Variants in HS3ST3A1 observed in about 807,000 individuals in gnomAD.
The protein encoded by HS3ST3A1 is heparan sulfate glucosamine 3-O-sulfotransferase 3A1.
Under a neutral mutation model 25.7 loss-of-function variants are expected in HS3ST3A1, and 19 were observed. The ratio of observed to expected loss-of-function variants is 0.74; its 90% CI spans 0.52 to 1.08. The LOEUF (loss-of-function observed/expected upper bound fraction) is 1.08. HS3ST3A1 is among the 50% of genes least tolerant of loss of function. The pLI is 0.00. For missense variants in HS3ST3A1, 459 were observed against 594.3 expected (o/e 0.77, Z 2.37); for synonymous variants, 226 against 278.6 (o/e 0.81, Z 1.88).
chr17:13,514,981 T>C (rs953955106), intron 1 of HS3ST3A1, among the ~76,000 whole-genome samples: 1 of 152,158 alleles, frequency 6.6e-6, no homozygotes, highest in African/African-American at 2.4e-5. Context: ...TACTAAAAAG[T>C]CATCTCTTCC....
intron 1 of HS3ST3A1, among the ~76,000 whole-genome samples, chr17:13,516,922 G>A (rs929502069): frequency 5.3e-5 from 8 of 152,000 alleles, no homozygotes; most frequent in African/African-American, 1.7e-4. Context: ...TCCTGACCTC[G>A]TGACCCGCCC....
chr17:13,503,753 T>A (rs1364792626), intron 1 of HS3ST3A1, among the ~76,000 whole-genome samples: 2 of 152,216 alleles, frequency 1.3e-5, no homozygotes, highest in Admixed American at 1.3e-4. Flanking sequence ...GAACTGGCAC[T>A]TTGGTGGTTA....
chr17:13,591,821 G>A (rs1433152081), intron 1 of HS3ST3A1, among the ~76,000 whole-genome samples: 1 of 151,882 alleles, frequency 6.6e-6, no homozygotes, highest in Admixed American at 6.6e-5. Flanking sequence ...GACCACATCC[G>A]GCTAATTTTT....
At chr17:13,548,569 A>G (rs751808198) in intron 1 of HS3ST3A1, among the ~76,000 whole-genome samples, 1 of 152,144 alleles carries the variant, frequency 6.6e-6, no homozygotes, top group Non-Finnish European at 1.5e-5. Context: ...CCAGTCTACC[A>G]TATTCTTAGA....
At chr17:13,497,861 T>TA (rs1253583712) in intron 1 of HS3ST3A1, among the ~76,000 whole-genome samples, 2 of 152,244 alleles carry the variant, frequency 1.3e-5, no homozygotes, top group Admixed American at 6.5e-5. Context: ...ATAGATTTGT[T>TA]ACTTTTGTTC....
chr17:13,549,688 C>A (rs568711807), intron 1 of HS3ST3A1, among the ~76,000 whole-genome samples: 19 of 152,172 alleles, frequency 1.2e-4, no homozygotes, highest in Non-Finnish European at 2.8e-4. Context: ...CCTAGCCAAG[C>A]CCCCTAAACC....
At position 13,595,541 on chromosome 17, in the gene HS3ST3A1, G is replaced by C. The variant is rs903715704; in HGVS notation, c.599+4990C>G. Reference sequence around the variant, plus strand: ...CCTTATAAAATGCAAAGATGAGGGAGTACAATTTCCTCTGATTACATATTA... The same window carrying C: ...CCTTATAAAATGCAAAGATGAGGGACTACAATTTCCTCTGATTACATATTA... On this transcript the variant is annotated intron_variant, in intron 1 of 1. Coordinates refer to ENST00000284110, the MANE Select transcript of HS3ST3A1 (RefSeq NM_006042.3). Among the ~76,000 whole-genome samples the C allele has an allele frequency of 2.6e-5, 4 of 152,156 alleles. No homozygotes were observed. In the East Asian group the frequency reaches 7.7e-4, roughly 29 times the overall value.
intron 1 of HS3ST3A1, among the ~76,000 whole-genome samples, chr17:13,497,318 A>C (rs7224624): frequency 0.68 from 103,837 of 152,082 alleles, 35,876 homozygotes; most frequent in East Asian, 0.83. Context: ...GTTTGTAATT[A>C]CTGAGTTTTC....
chr17:13,591,048 C>CT (rs552742240), intron 1 of HS3ST3A1, among the ~76,000 whole-genome samples: 2,991 of 136,602 alleles, frequency 0.022, 129 homozygotes, highest in African/African-American at 0.071. Context: ...TTTTTCTTTT[C>CT]TTTTTTTTTT....
chr17:13,502,415 G>C (rs1325504137), intron 1 of HS3ST3A1, among the ~76,000 whole-genome samples: 1 of 152,094 alleles, frequency 6.6e-6, no homozygotes, highest in Non-Finnish European at 1.5e-5. Flanking sequence ...CTATGATCAG[G>C]GAACCACCTG....
In HS3ST3A1 at chr17:13,601,240, C is replaced by A; in HGVS notation, c.-111G>T. On this transcript the variant is annotated 5_prime_UTR_variant, in exon 1 of 2. Coordinates refer to ENST00000284110, the MANE Select transcript of HS3ST3A1 (RefSeq NM_006042.3). ...GCGCGCTGGACGGAGGCCACATCGC[C>A]GTGCGCCCCTGTGGCCGTGCGAACT... 1.3e-6 allele frequency: 1 copy of A among 790,036 alleles called. No homozygotes were observed. Among genetic ancestry groups the A allele is most frequent in the Non-Finnish European group, 1.9e-6 (1 of 538,010 alleles). The allele number at this position is 790,036 out of a possible 1,614,324, so 48.9% of individuals were successfully genotyped here.
At chr17:13,570,592 C>A (rs1364468402) in intron 1 of HS3ST3A1, among the ~76,000 whole-genome samples, 3 of 152,158 alleles carry the variant, frequency 2.0e-5, no homozygotes, top group Non-Finnish European at 4.4e-5. Context: ...GTGATCCCCC[C>A]ACCTCAGCCA....
intron 1 of HS3ST3A1, among the ~76,000 whole-genome samples, chr17:13,569,094 T>C (rs57846330): frequency 6.6e-6 from 1 of 152,282 alleles, no homozygotes; most frequent in South Asian, 2.1e-4. Flanking sequence ...CTTGGCTTTA[T>C]GTATAGGCAT....
intron 1 of HS3ST3A1, among the ~76,000 whole-genome samples, chr17:13,549,198 C>CT (rs768204419): frequency 2.4e-4 from 36 of 152,276 alleles, no homozygotes; most frequent in Admixed American, 1.7e-3. Flanking sequence ...GACACGCTGG[C>CT]TTTAAGAGCT....
chr17:13,512,317 A>ACAAAAC (rs1905897076), intron 1 of HS3ST3A1, among the ~76,000 whole-genome samples: 2 of 150,916 alleles, frequency 1.3e-5, no homozygotes, highest in Admixed American at 6.6e-5. Context: ...AAAAAAAAAA[A>ACAAAAC]AAAAAAAAAA....
intron 1 of HS3ST3A1, among the ~76,000 whole-genome samples, chr17:13,523,547 G>T (rs1039349281): frequency 6.6e-6 from 1 of 152,154 alleles, no homozygotes; most frequent in Non-Finnish European, 1.5e-5. Flanking sequence ...GATAATGGTG[G>T]ATTGCTATTG....
intron 1 of HS3ST3A1, among the ~76,000 whole-genome samples, chr17:13,520,415 G>A (rs1028266339): frequency 6.6e-6 from 1 of 152,048 alleles, no homozygotes; most frequent in African/African-American, 2.4e-5. Flanking sequence ...CTGCACATTC[G>A]GATATTATAA....
chr17:13,543,821 C>G (rs541052151), intron 1 of HS3ST3A1, among the ~76,000 whole-genome samples: 4 of 152,240 alleles, frequency 2.6e-5, no homozygotes, highest in Admixed American at 2.6e-4. Flanking sequence ...AAATAACCAT[C>G]GATCTGGATT....
chr17:13,539,496 A>C (rs1404019019), intron 1 of HS3ST3A1, among the ~76,000 whole-genome samples: 1 of 152,182 alleles, frequency 6.6e-6, no homozygotes, highest in African/African-American at 2.4e-5. Flanking sequence ...CACAGGTTAG[A>C]GACATTGGCA....
Sources: gnomAD v4.1 joint callset for allele counts (sites outside exome capture counted in the v4.1 genomes callset) on GRCh38, gnomAD v4.1.1 for gene constraint, MANE v1.5 for transcripts, NCBI Gene and HGNC (gene_info 2026-07-23, HGNC 2026-07-21) for gene names.